HUS1: variants seen among roughly 807,000 people sequenced by gnomAD.
HUS1 encodes HUS1 checkpoint clamp component.
A neutral mutation model predicts 32.6 loss-of-function variants in HUS1; 31 were observed. That is an observed-to-expected ratio of 0.95 (90% CI 0.72 to 1.28). The LOEUF is 1.28. HUS1 is among the 50% of genes most tolerant of loss of function. The probability of loss-of-function intolerance (pLI) is 0.00; values close to 1 mark genes in which losing one functional copy is unlikely to be tolerated. For missense variants in HUS1, 340 were observed against 337.7 expected (o/e 1.01, Z -0.05); for synonymous variants, 123 against 116.6 (o/e 1.06, Z -0.36).
intron 1 of HUS1, 184 bp from the exon 2 acceptor site, chr7:47,979,000 G>A (rs960100973): frequency 3.3e-6 from 2 of 606,790 alleles, no homozygotes; most frequent in Admixed American, 3.0e-5. Flanking sequence ...CAAACTAGGG[G>A]AGATGTACAG....
intron 4 of HUS1, 125 bp downstream of exon 4, chr7:47,976,605 A>T: frequency 5.7e-6 from 4 of 703,076 alleles, no homozygotes; most frequent in Non-Finnish European, 1.0e-5. Context: ...AAAGGCAAAT[A>T]ATCTAATGTT....
chr7:47,970,217 A>C (rs537670581), intron 5 of HUS1, among the ~76,000 whole-genome samples: 48 of 131,726 alleles, frequency 3.6e-4, no homozygotes, highest in African/African-American at 1.2e-3. Flanking sequence ...TGGGTGAAAG[A>C]GCGAGACTCT....
chr7:47,965,485 C>T (rs777925746), intron 7 of HUS1, 47 bp from the exon 8 acceptor site: 2 of 1,334,238 alleles, frequency 1.5e-6, no homozygotes, highest in Non-Finnish European at 2.2e-6. Flanking sequence ...GCAGCACACA[C>T]ATTTTGATCT....
At chr7:47,979,400 C>T (rs1788778321) in intron 1 of HUS1, 68 bp downstream of exon 1, 1 of 1,595,974 alleles carries the variant, frequency 6.3e-7, no homozygotes, top group Non-Finnish European at 8.5e-7. Context: ...TCCTCCTGCG[C>T]GGTCCCCACC....
chr7:47,978,990 C>G, intron 1 of HUS1, 174 bp from the exon 2 acceptor site: 1 of 624,802 alleles, frequency 1.6e-6, no homozygotes, highest in Non-Finnish European at 2.8e-6. Context: ...ATTCTCCCAA[C>G]AAACTAGGGG....
intron 3 of HUS1, among the ~76,000 whole-genome samples, chr7:47,977,850 C>T (rs1344135956): frequency 6.6e-6 from 1 of 152,094 alleles, no homozygotes; most frequent in Non-Finnish European, 1.5e-5. Context: ...GCCGAGATCG[C>T]GCCACTGCAC....
chr7:47,978,046 G>GA (rs1562591379), intron 3 of HUS1, among the ~76,000 whole-genome samples: 1 of 152,144 alleles, frequency 6.6e-6, no homozygotes, highest in East Asian at 1.9e-4. Context: ...ACTGAAGAAC[G>GA]AGGGGCCATT....
chr7:47,976,986 T>C (rs1374334979), intron 3 of HUS1, 149 bp from the exon 4 acceptor site: 7 of 590,802 alleles, frequency 1.2e-5, no homozygotes, highest in Non-Finnish European at 2.1e-5. Context: ...TCGACCAATA[T>C]TGATGGTGCC....
intron 6 of HUS1, among the ~76,000 whole-genome samples, chr7:47,968,376 G>A (rs761159894): frequency 3.3e-5 from 5 of 152,090 alleles, no homozygotes; most frequent in Non-Finnish European, 7.4e-5. Flanking sequence ...AGAATGAATC[G>A]CTTTACACAA....
chr7:47,970,232 C>CAAAAAAAAAAAAAAAAAAA (rs777331089), intron 5 of HUS1, among the ~76,000 whole-genome samples: 1 of 47,836 alleles, frequency 2.1e-5, no homozygotes, highest in African/African-American at 7.3e-5. Flanking sequence ...GACTCTGTCT[C>CAAAAAAAAAAAAAAAAAAA]AAAAAAAAAA....
At chr7:47,974,346 C>A (rs926984745) in intron 5 of HUS1, among the ~76,000 whole-genome samples, 1 of 92,894 alleles carries the variant, frequency 1.1e-5, no homozygotes, top group African/African-American at 5.1e-5. Context: ...GTACACTGGA[C>A]AGCTCAGCTC....
At chr7:47,975,317 CAAAAA>C (rs199919857) in intron 5 of HUS1, among the ~76,000 whole-genome samples, 1 of 61,004 alleles carries the variant, frequency 1.6e-5, no homozygotes, top group Non-Finnish European at 3.5e-5. Flanking sequence ...GACTCTGTCT[CAAAAA>C]AAAAAAAAAA....
rs1025882427 is a variant in HUS1, at chr7:47,965,273, C to A, written c.*83G>T. On this transcript the variant is annotated 3_prime_UTR_variant, in exon 8 of 8. Coordinates refer to ENST00000258774, the MANE Select transcript of HUS1 (RefSeq NM_004507.4). ...GTGTCGATGTGCGGTGCTGTGAGGG[C>A]ACAGACCAGTGATCAGAACACAACA... The A allele has an allele frequency of 1.5e-5, 13 of 871,094 alleles. No homozygotes were observed. In the East Asian group the frequency reaches 3.2e-4, roughly 21 times the overall value. 54.0% of individuals were successfully genotyped at this position (871,094 alleles called of 1,614,324 possible).
chr7:47,974,904 A>T (rs567186352), intron 5 of HUS1, among the ~76,000 whole-genome samples: 1 of 152,202 alleles, frequency 6.6e-6, no homozygotes, highest in African/African-American at 2.4e-5. Flanking sequence ...ATGGTGTGGC[A>T]TATCTTTGTC....
chr7:47,976,557 C>G, intron 4 of HUS1, 173 bp downstream of exon 4: 1 of 629,212 alleles, frequency 1.6e-6, no homozygotes, highest in Non-Finnish European at 2.9e-6. Flanking sequence ...ACATTTCTAT[C>G]ATATGCAACA....
chr7:47,968,311 TACCA>T (rs1470203491), intron 6 of HUS1, among the ~76,000 whole-genome samples: 2 of 151,638 alleles, frequency 1.3e-5, no homozygotes, highest in African/African-American at 4.8e-5. Context: ...TCTGAGAAAG[TACCA>T]AAGATAAGTC....
intron 7 of HUS1, among the ~76,000 whole-genome samples, chr7:47,966,403 T>C (rs1198308810): frequency 6.6e-6 from 1 of 152,238 alleles, no homozygotes; most frequent in Non-Finnish European, 1.5e-5. Context: ...GACACTTGGC[T>C]TAGTCAACCA....
At chr7:47,975,546 G>T in intron 5 of HUS1, 67 bp downstream of exon 5, 2 of 994,218 alleles carry the variant, frequency 2.0e-6, no homozygotes, top group South Asian at 1.3e-5. Flanking sequence ...GCTGCAGGGT[G>T]AGCTGGAGAA....
At chr7:47,977,673 C>A (rs1334679254) in intron 3 of HUS1, among the ~76,000 whole-genome samples, 3 of 152,150 alleles carry the variant, frequency 2.0e-5, no homozygotes, top group Non-Finnish European at 4.4e-5. Flanking sequence ...AGGTGGATCA[C>A]TTGACGTCAG....
Sources: allele counts gnomAD v4.1 joint callset (sites outside exome capture counted in the v4.1 genomes callset), GRCh38; gene constraint gnomAD v4.1.1; transcripts MANE v1.5; gene names NCBI Gene and HGNC (gene_info 2026-07-23, HGNC 2026-07-21).